The following OR4K5 variants were observed in gnomAD, a reference collection of about 807,000 sequenced individuals.
OR4K5 encodes the protein olfactory receptor family 4 subfamily K member 5, also known as olfactory receptor 4K5.
For missense variants in OR4K5, 520 were observed against 377.1 expected (o/e 1.38, Z -3.14); for synonymous variants, 187 against 142.2 (o/e 1.31, Z -2.24).
rs775196865 is a variant in OR4K5 at position 19,921,118 on chromosome 14, C to T, written c.512C>T (p.Pro171Leu). Reference protein sequence around the residue: ...SFTVNLPFCGPNVVDSFFCDL... With the variant: ...SFTVNLPFCGLNVVDSFFCDL... ...ACTGTGAACCTGCCTTTTTGTGGACCTAATGTAGTAGACAGCTTTTTTTGT... is the reference window on the plus strand; with the variant it reads ...ACTGTGAACCTGCCTTTTTGTGGACTTAATGTAGTAGACAGCTTTTTTTGT... The change falls in exon 1 of 1, where the codon CCT becomes CTT. Residue 171 changes from proline (P) to leucine (L), a missense_variant. Transcript: ENST00000315915. 5.0e-6 allele frequency: 8 copies of T among 1,614,140 alleles called. No homozygotes were observed. The East Asian group carries it at 1.1e-4, about 22-fold the overall frequency.
At position 19,921,432 on chromosome 14, in the gene OR4K5, A is replaced by G. The variant is rs1340604317; in HGVS notation, c.826A>G (p.Thr276Ala). Residue 276 changes from threonine to alanine, a missense_variant, in exon 1 of 1, where the codon ACT becomes GCT. Thr to Ala is a moderately conservative substitution (Grantham distance 58). Transcript: ENST00000315915. ...PLDKFLAIFY[T>A]VFTPVLNPII... is the part of the protein sequence containing the mutation. The stretch of plus-strand genomic sequence containing the variant: ...GGATAAATTTCTTGCCATATTTTAC[A>G]CTGTTTTCACCCCCGTCCTAAACCC... 2 of 1,613,988 alleles carry G rather than the reference A, an allele frequency of 1.2e-6. No homozygotes were observed. Among genetic ancestry groups the G allele is most frequent in the Non-Finnish European group, 1.7e-6 (2 of 1,179,986 alleles).
In OR4K5 at chr14:19,921,369, A is replaced by T. The variant is rs760618482; in HGVS notation, c.763A>T (p.Ile255Phe). The T allele has an allele frequency of 1.9e-6, 3 of 1,614,178 alleles. No individual in the cohort carries two copies. The South Asian group carries it at 3.3e-5, about 18-fold the overall frequency. ...AVVILFFGPC[I>F]FIYVWPFTIS... ...AGTAATATTATTCTTTGGACCTTGC[A>T]TCTTCATCTATGTGTGGCCCTTTAC... Residue 255 changes from isoleucine to phenylalanine, a missense_variant, in exon 1 of 1, where the codon ATC becomes TTC. Coordinates refer to ENST00000315915, the MANE Select transcript of OR4K5 (RefSeq NM_001005483.1).
At position 19,920,792 on chromosome 14, in the gene OR4K5, C is replaced by G. The variant is rs1300416079; in HGVS notation, c.186C>G (p.Leu62=). 1.2e-6 allele frequency: 2 copies of G among 1,614,086 alleles called. No individual in the cohort carries two copies. Among genetic ancestry groups the G allele is most frequent in the African/African-American group, 2.7e-5 (2 of 74,942 alleles). The stretch of plus-strand genomic sequence containing the variant: ...GCCTGCACTCCCCTATGTACTTTCT[C>G]TTGGGAAACCTTTCCTTTGTTGACA... The part of the protein sequence containing the change: ...DTSLHSPMYF[L]LGNLSFVDIC... Residue 62 remains leucine, a synonymous_variant, in exon 1 of 1, where the codon CTC becomes CTG. Transcript: ENST00000315915.
chr14:19,921,062 C>T lies in OR4K5; in HGVS notation c.456C>T (p.Ser152=), dbSNP rs761907716. ...TVLVMISWAV[S]LVHTLSQLSF... is the part of the protein sequence containing the mutation. The stretch of plus-strand genomic sequence containing the variant: ...TGGTAATGATCTCCTGGGCTGTGAG[C>T]TTGGTGCACACATTAAGCCAGTTAT... The change falls in exon 1 of 1, where the codon AGC becomes AGT. Residue 152 remains serine, a synonymous_variant. Transcript: ENST00000315915. The T allele has an allele frequency of 6.2e-7, 1 of 1,614,200 alleles. No homozygotes were observed. Among genetic ancestry groups the T allele is most frequent in the Non-Finnish European group, 8.5e-7 (1 of 1,180,004 alleles).
Position 19,921,154 on chromosome 14 carries a change from G to A in OR4K5, c.548G>A (p.Arg183Gln), listed in dbSNP as rs201033872. The change falls in exon 1 of 1, where the codon CGA becomes CAA. Residue 183 changes from arginine (R) to glutamine (Q), a missense_variant. Coordinates refer to ENST00000315915, the MANE Select transcript of OR4K5 (RefSeq NM_001005483.1). Reference sequence around the variant, plus strand: ...GACAGCTTTTTTTGTGATCTTCCTCGAGTCACCAAACTTGCCTGCCTGGAC... The same window carrying A: ...GACAGCTTTTTTTGTGATCTTCCTCAAGTCACCAAACTTGCCTGCCTGGAC... ...VVDSFFCDLP[R>Q]VTKLACLDSY... 24 of 1,614,094 alleles carry A rather than the reference G, an allele frequency of 1.5e-5. No individual in the cohort carries two copies. Among genetic ancestry groups the A allele is most frequent in the East Asian group, 6.7e-5 (3 of 44,888 alleles).
At position 19,921,128 on chromosome 14, in the gene OR4K5, A is replaced by G. The variant is rs776266048; in HGVS notation, c.522A>G (p.Val174=). ...VNLPFCGPNV[V]DSFFCDLPRV... ...TGCCTTTTTGTGGACCTAATGTAGT[A>G]GACAGCTTTTTTTGTGATCTTCCTC... Residue 174 remains valine, a synonymous_variant, in exon 1 of 1, where the codon GTA becomes GTG. Coordinates refer to ENST00000315915, the MANE Select transcript of OR4K5 (RefSeq NM_001005483.1). 1.4e-5 allele frequency: 23 copies of G among 1,614,074 alleles called. No homozygotes were observed. The highest frequency in any genetic ancestry group is 1.7e-5 in the Admixed American group (1 of 59,988).
chr14:19,921,118 C>G lies in OR4K5; in HGVS notation c.512C>G (p.Pro171Arg). The change falls in exon 1 of 1, where the codon CCT becomes CGT. Residue 171 changes from proline to arginine, a missense_variant. Coordinates refer to ENST00000315915, the MANE Select transcript of OR4K5 (RefSeq NM_001005483.1). ...ACTGTGAACCTGCCTTTTTGTGGACCTAATGTAGTAGACAGCTTTTTTTGT... is the reference window on the plus strand; with the variant it reads ...ACTGTGAACCTGCCTTTTTGTGGACGTAATGTAGTAGACAGCTTTTTTTGT... ...SFTVNLPFCG[P>R]NVVDSFFCDL... 6.2e-7 allele frequency: 1 copy of G among 1,614,142 alleles called. No homozygotes were observed. Among genetic ancestry groups the G allele is most frequent in the Non-Finnish European group, 8.5e-7 (1 of 1,179,980 alleles).
rs138641868 is a variant in OR4K5, at chr14:19,920,617, C to T, written c.11C>T (p.Ser4Phe). 1.2e-6 allele frequency: 2 copies of T among 1,605,950 alleles called. No homozygotes were observed. Among genetic ancestry groups the T allele is most frequent in the Non-Finnish European group, 1.7e-6 (2 of 1,176,816 alleles). ...TTGCAGCTTGGAACCATGGATAAGT[C>T]CAATTCTTCAGTGGTGTCTGAATTT... MDK[S>F]NSSVVSEFVL... is the part of the protein sequence containing the mutation. The change falls in exon 1 of 1, where the codon TCC (serine) becomes TTC (phenylalanine). Residue 4 changes from serine to phenylalanine, a missense_variant. Transcript: ENST00000315915.
chr14:19,921,208 T>C lies in OR4K5; in HGVS notation c.602T>C (p.Val201Ala), dbSNP rs1362930285. The part of the protein sequence containing the change: ...DSYIIEILIV[V>A]NSGILSLSTF... ...TACATCATTGAAATACTAATTGTGG[T>C]CAATAGTGGAATTCTTTCCCTAAGC... The change falls in exon 1 of 1, where the codon GTC (valine) becomes GCC (alanine). Residue 201 changes from valine to alanine, a missense_variant. Physicochemically the swap from Val to Ala is moderately conservative, Grantham distance 64. Transcript: ENST00000315915. 3.1e-6 allele frequency: 5 copies of C among 1,614,058 alleles called. No individual in the cohort carries two copies. Among genetic ancestry groups the C allele is most frequent in the Non-Finnish European group, 3.4e-6 (4 of 1,180,000 alleles).
Position 19,920,924 on chromosome 14 carries a change from T to C in OR4K5, c.318T>C (p.Leu106=). 1 of 1,614,194 alleles carries C rather than the reference T, an allele frequency of 6.2e-7. No homozygotes were observed. The highest frequency in any genetic ancestry group is 2.2e-5 in the East Asian group (1 of 44,892). The part of the protein sequence containing the change: ...GCIAQIFFIH[L]FTGGEMVLLV... Reference sequence around the variant, plus strand: ...TAGCCCAAATTTTCTTTATTCACCTTTTTACTGGAGGGGAGATGGTGCTAC... The same window carrying C: ...TAGCCCAAATTTTCTTTATTCACCTCTTTACTGGAGGGGAGATGGTGCTAC... Residue 106 remains leucine, a synonymous_variant, in exon 1 of 1, where the codon CTT becomes CTC. Coordinates refer to ENST00000315915, the MANE Select transcript of OR4K5 (RefSeq NM_001005483.1).
chr14:19,920,771 G>A lies in OR4K5; in HGVS notation c.165G>A (p.Leu55=). The A allele has an allele frequency of 1.2e-6, 2 of 1,614,144 alleles. No homozygotes were observed. Among genetic ancestry groups the A allele is most frequent in the African/African-American group, 1.3e-5 (1 of 75,066 alleles). Residue 55 remains leucine (L), a synonymous_variant, in exon 1 of 1, where the codon CTG becomes CTA. Coordinates refer to ENST00000315915, the MANE Select transcript of OR4K5 (RefSeq NM_001005483.1). ...IILTVTSDTS[L]HSPMYFLLGN... Reference sequence around the variant, plus strand: ...TCACAGTGACTTCTGATACCAGCCTGCACTCCCCTATGTACTTTCTCTTGG... The same window carrying A: ...TCACAGTGACTTCTGATACCAGCCTACACTCCCCTATGTACTTTCTCTTGG...
chr14:19,920,943 G>C lies in OR4K5; in HGVS notation c.337G>C (p.Val113Leu), dbSNP rs1339956714. Residue 113 changes from valine (V) to leucine (L), a missense_variant, in exon 1 of 1, where the codon GTG becomes CTG. Coordinates refer to ENST00000315915, the MANE Select transcript of OR4K5 (RefSeq NM_001005483.1). The stretch of plus-strand genomic sequence containing the variant: ...TCACCTTTTTACTGGAGGGGAGATG[G>C]TGCTACTTGTTTCGATGGCCTATGA... Reference protein sequence around the residue: ...FIHLFTGGEMVLLVSMAYDRY... With the variant: ...FIHLFTGGEMLLLVSMAYDRY... 2 of 1,614,050 alleles carry C rather than the reference G, an allele frequency of 1.2e-6. No homozygotes were observed. Among genetic ancestry groups the C allele is most frequent in the Non-Finnish European group, 1.7e-6 (2 of 1,180,004 alleles).
chr14:19,920,901 G>A lies in OR4K5; in HGVS notation c.295G>A (p.Ala99Thr), dbSNP rs1881917829. The A allele has an allele frequency of 6.2e-7, 1 of 1,614,174 alleles. No individual in the cohort carries two copies. Among genetic ancestry groups the A allele is most frequent in the South Asian group, 1.1e-5 (1 of 91,082 alleles). The change falls in exon 1 of 1, where the codon GCC (alanine) becomes ACC (threonine). Residue 99 changes from alanine to threonine, a missense_variant. Coordinates refer to ENST00000315915, the MANE Select transcript of OR4K5 (RefSeq NM_001005483.1). The stretch of plus-strand genomic sequence containing the variant: ...GACCATATCTTTCAGTGGCTGCATA[G>A]CCCAAATTTTCTTTATTCACCTTTT... ...HETISFSGCI[A>T]QIFFIHLFTG...
chr14:19,920,868 G>T lies in OR4K5; in HGVS notation c.262G>T (p.Ala88Ser), dbSNP rs774678964. The T allele has an allele frequency of 1.2e-6, 2 of 1,614,172 alleles. No individual in the cohort carries two copies. The highest frequency in any genetic ancestry group is 3.3e-5 in the Admixed American group (2 of 60,014). Residue 88 changes from alanine (A) to serine (S), a missense_variant, in exon 1 of 1, where the codon GCA becomes TCA. Transcript: ENST00000315915. ...TAAAATGATTGCAGATTTTCTGAGT[G>T]CACACGAGACCATATCTTTCAGTGG... is the stretch of plus-strand genomic sequence containing the variant. Reference protein sequence around the residue: ...TPKMIADFLSAHETISFSGCI... With the variant: ...TPKMIADFLSSHETISFSGCI...
rs1213772606 is a variant in OR4K5, at chr14:19,920,774, C to T, written c.168C>T (p.His56=). Residue 56 remains histidine, a synonymous_variant, in exon 1 of 1, where the codon CAC becomes CAT. Coordinates refer to ENST00000315915, the MANE Select transcript of OR4K5 (RefSeq NM_001005483.1). Reference sequence around the variant, plus strand: ...CAGTGACTTCTGATACCAGCCTGCACTCCCCTATGTACTTTCTCTTGGGAA... The same window carrying T: ...CAGTGACTTCTGATACCAGCCTGCATTCCCCTATGTACTTTCTCTTGGGAA... ...ILTVTSDTSL[H]SPMYFLLGNL... 2.0e-5 allele frequency: 33 copies of T among 1,614,084 alleles called. No individual in the cohort carries two copies. Among genetic ancestry groups the T allele is most frequent in the African/African-American group, 2.7e-5 (2 of 74,954 alleles).
chr14:19,921,410 TA>T lies in OR4K5; in HGVS notation c.807del (p.Lys269AsnfsTer14), dbSNP rs775993125. 1 of 1,614,174 alleles carries T rather than the reference TA, an allele frequency of 6.2e-7. No individual in the cohort carries two copies. The highest frequency in any genetic ancestry group is 1.1e-5 in the South Asian group (1 of 91,082). On this transcript the variant is annotated frameshift_variant, in exon 1 of 1. Coordinates refer to ENST00000315915, the MANE Select transcript of OR4K5 (RefSeq NM_001005483.1). LOFTEE classifies it low-confidence loss of function (END_TRUNC). ...VWPFTISPLD[K>X]FLAIFYTVFT... ...GGCCCTTTACCATCTCTCCTTTGGATAAATTTCTTGCCATATTTTACACTGT... is the reference window on the plus strand; with the variant it reads ...GGCCCTTTACCATCTCTCCTTTGGATAATTTCTTGCCATATTTTACACTGT...
rs1170577665 is a variant in OR4K5 at position 19,920,685 on chromosome 14, T to C, written c.79T>C (p.Tyr27His). 2 of 1,614,086 alleles carry C rather than the reference T, an allele frequency of 1.2e-6. No homozygotes were observed. Among genetic ancestry groups the C allele is most frequent in the Non-Finnish European group, 1.7e-6 (2 of 1,179,946 alleles). Reference protein sequence around the residue: ...LCSSQKLQLFYFCFFSVLYTV... With the variant: ...LCSSQKLQLFHFCFFSVLYTV... ...TAGTTCTCAAAAACTCCAGCTTTTC[T>C]ATTTTTGTTTCTTCTCTGTGTTGTA... Residue 27 changes from tyrosine to histidine, a missense_variant, in exon 1 of 1, where the codon TAT becomes CAT. Tyr to His is a moderately conservative substitution (Grantham distance 83). Coordinates refer to ENST00000315915, the MANE Select transcript of OR4K5 (RefSeq NM_001005483.1).
chr14:19,921,247 T>C lies in OR4K5; in HGVS notation c.641T>C (p.Leu214Ser). Residue 214 changes from leucine to serine, a missense_variant, in exon 1 of 1, where the codon TTG becomes TCG. Leu to Ser is a moderately radical substitution (Grantham distance 145, BLOSUM62 -2). Transcript: ENST00000315915. ...GILSLSTFSL[L>S]VSSYIIILVT... is the part of the protein sequence containing the mutation. ...CTTTCCCTAAGCACTTTCTCTCTCT[T>C]GGTCAGCTCCTACATCATTATTCTT... 2 of 1,614,192 alleles carry C rather than the reference T, an allele frequency of 1.2e-6. No homozygotes were observed.
Position 19,920,874 on chromosome 14 carries a change from G to A in OR4K5, c.268G>A (p.Glu90Lys), listed in dbSNP as rs151215030. ...KMIADFLSAH[E>K]TISFSGCIAQ... ...GATTGCAGATTTTCTGAGTGCACAC[G>A]AGACCATATCTTTCAGTGGCTGCAT... Residue 90 changes from glutamate to lysine, a missense_variant, in exon 1 of 1, where the codon GAG becomes AAG. Coordinates refer to ENST00000315915, the MANE Select transcript of OR4K5 (RefSeq NM_001005483.1). 91 of 1,614,008 alleles carry A rather than the reference G, an allele frequency of 5.6e-5. No homozygotes were observed. The highest frequency in any genetic ancestry group is 1.6e-4 in the Middle Eastern group (1 of 6,084).
Sources: gnomAD v4.1 joint callset for allele counts on GRCh38, gnomAD v4.1.1 for gene constraint, MANE v1.5 for transcripts, NCBI Gene and HGNC (gene_info 2026-07-23, HGNC 2026-07-21) for gene names.